Variants in KCNH7 observed in about 807,000 individuals in gnomAD.
KCNH7 encodes the protein potassium voltage-gated channel subfamily H member 7, also known as voltage-gated inwardly rectifying potassium channel KCNH7.
In KCNH7, 49 loss-of-function variants were observed where a neutral mutation model predicts 120.8. The observed-to-expected ratio is 0.41, with a 90% CI of 0.32 to 0.51. The LOEUF (loss-of-function observed/expected upper bound fraction) is 0.51. Among genes scored for constraint, KCNH7 ranks in the 20% least tolerant of loss-of-function variants. The pLI is 0.38. For synonymous variants in KCNH7, 547 were observed against 516.1 expected, an observed-to-expected ratio of 1.06 and a Z score of -0.81; for missense variants, 1,097 against 1,446.6, an observed-to-expected ratio of 0.76 and a Z score of 3.92.
intron 2 of KCNH7, among the ~76,000 whole-genome samples, chr2:162,822,022 A>G (rs1685136614): frequency 6.6e-6 from 1 of 151,532 alleles, no homozygotes; most frequent in Non-Finnish European, 1.5e-5. Flanking sequence ...AGCCACACCT[A>G]AATTGAGTTT....
intron 2 of KCNH7, among the ~76,000 whole-genome samples, chr2:162,825,354 A>G (rs184570256): frequency 1.4e-4 from 22 of 152,082 alleles, no homozygotes; most frequent in Non-Finnish European, 2.9e-4. Flanking sequence ...TTTGAATTAC[A>G]AAATTCAACA....
intron 2 of KCNH7, among the ~76,000 whole-genome samples, chr2:162,643,804 C>CAAAAAAAAAA (rs781089376): frequency 1.1e-5 from 1 of 90,436 alleles, no homozygotes; most frequent in Non-Finnish European, 2.1e-5. Context: ...GACTCTATCT[C>CAAAAAAAAAA]AAAAAAAAAA....
intron 2 of KCNH7, among the ~76,000 whole-genome samples, chr2:162,627,371 T>C (rs1047269735): frequency 5.3e-5 from 8 of 152,288 alleles, no homozygotes; most frequent in African/African-American, 1.9e-4. Flanking sequence ...CATAGTTAAA[T>C]ATATGAAAAA....
intron 2 of KCNH7, among the ~76,000 whole-genome samples, chr2:162,575,138 G>A (rs953389702): frequency 5.9e-5 from 9 of 151,976 alleles, no homozygotes; most frequent in African/African-American, 1.2e-4. Flanking sequence ...AGGCTGAGCC[G>A]GGATCTAGAA....
At chr2:162,681,277 C>T (rs1263517854) in intron 2 of KCNH7, among the ~76,000 whole-genome samples, 7 of 151,542 alleles carry the variant, frequency 4.6e-5, no homozygotes, top group South Asian at 2.1e-4. Context: ...AGTAGTGATG[C>T]GGAATGCAGT....
At chr2:162,800,406 T>C (rs567732028) in intron 2 of KCNH7, among the ~76,000 whole-genome samples, 1 of 151,860 alleles carries the variant, frequency 6.6e-6, no homozygotes, top group South Asian at 2.1e-4. Context: ...CGGCAGTATT[T>C]TTACATTTTT....
intron 2 of KCNH7, among the ~76,000 whole-genome samples, chr2:162,624,613 A>G (rs1683480763): frequency 6.6e-6 from 1 of 152,154 alleles, no homozygotes; most frequent in African/African-American, 2.4e-5. Context: ...TCAAATTAGT[A>G]TTCCAAAATG....
At chr2:162,456,520 G>A (rs1465754051) in intron 6 of KCNH7, among the ~76,000 whole-genome samples, 2 of 151,928 alleles carry the variant, frequency 1.3e-5, no homozygotes, top group Admixed American at 6.6e-5. Context: ...CATCTATTAC[G>A]TCCACTTGAT....
intron 6 of KCNH7, among the ~76,000 whole-genome samples, chr2:162,502,742 A>G (rs1457610521): frequency 3.9e-5 from 6 of 152,018 alleles, no homozygotes; most frequent in Non-Finnish European, 7.4e-5. Flanking sequence ...TATCTGAGAA[A>G]GCCCCCAGAG....
At chr2:162,569,450 A>G (rs1394453106) in intron 2 of KCNH7, among the ~76,000 whole-genome samples, 2 of 146,754 alleles carry the variant, frequency 1.4e-5, no homozygotes, top group East Asian at 4.1e-4. Flanking sequence ...CTAGCGGTCT[A>G]TCAATTTTGT....
chr2:162,517,145 G>A (rs1010947125), intron 4 of KCNH7, among the ~76,000 whole-genome samples: 1 of 151,718 alleles, frequency 6.6e-6, no homozygotes, highest in Admixed American at 6.6e-5. Context: ...TGTTCAAAGA[G>A]GCCAGGGAGA....
At chr2:162,721,668 T>C (rs923297156) in intron 2 of KCNH7, among the ~76,000 whole-genome samples, 1 of 152,160 alleles carries the variant, frequency 6.6e-6, no homozygotes, top group Admixed American at 6.6e-5. Flanking sequence ...TTAGTATGCT[T>C]TCATTATTTT....
intron 8 of KCNH7, among the ~76,000 whole-genome samples, chr2:162,428,440 T>C (rs561164960): frequency 6.6e-6 from 1 of 151,858 alleles, no homozygotes; most frequent in South Asian, 2.1e-4. Context: ...TTGAGACTTG[T>C]TTTGTAGCCC....
chr2:162,631,508 AC>A (rs1683766803), intron 2 of KCNH7, among the ~76,000 whole-genome samples: 1 of 152,108 alleles, frequency 6.6e-6, no homozygotes, highest in East Asian at 1.9e-4. Flanking sequence ...ATAAATTCAT[AC>A]ACTATTATTT....
intron 2 of KCNH7, among the ~76,000 whole-genome samples, chr2:162,649,588 A>G (rs1327381154): frequency 6.6e-6 from 1 of 152,120 alleles, no homozygotes; most frequent in African/African-American, 2.4e-5. Flanking sequence ...TCTCAATACG[A>G]CAATGGCAGA....
intron 2 of KCNH7, among the ~76,000 whole-genome samples, chr2:162,573,244 G>A (rs1180026087): frequency 1.3e-5 from 2 of 152,004 alleles, no homozygotes; most frequent in African/African-American, 4.8e-5. Flanking sequence ...GATAAGAGAT[G>A]GAGGAATTAC....
At chr2:162,659,116 T>A (rs1684868224) in intron 2 of KCNH7, among the ~76,000 whole-genome samples, 1 of 152,208 alleles carries the variant, frequency 6.6e-6, no homozygotes, top group South Asian at 2.1e-4. Context: ...TTTTAGATGT[T>A]CATCAAGTTG....
chr2:162,723,129 T>C (rs376108870), intron 2 of KCNH7, among the ~76,000 whole-genome samples: 15 of 152,102 alleles, frequency 9.9e-5, no homozygotes, highest in African/African-American at 3.1e-4. Context: ...TATATCTCTT[T>C]ATTAGTGTTA....
chr2:162,487,253 A>C (rs1690127829), intron 6 of KCNH7, among the ~76,000 whole-genome samples: 1 of 152,206 alleles, frequency 6.6e-6, no homozygotes, highest in Non-Finnish European at 1.5e-5. Context: ...CTACAGAAAG[A>C]GACATAACTT....
Sources: allele counts gnomAD v4.1 joint callset (sites outside exome capture counted in the v4.1 genomes callset), GRCh38; gene constraint gnomAD v4.1.1; transcripts MANE v1.5; gene names NCBI Gene and HGNC (gene_info 2026-07-23, HGNC 2026-07-21).